Variants in HYAL4 observed in about 807,000 individuals in gnomAD.
HYAL4 encodes hyaluronidase 4.
A neutral mutation model predicts 35.2 loss-of-function variants in HYAL4; 37 were observed. That is an observed-to-expected ratio of 1.05 (90% CI 0.81 to 1.38). HYAL4 has a LOEUF of 1.38. Ranked by LOEUF, HYAL4 falls within the 40% of genes most tolerant of loss-of-function variation. HYAL4 has a pLI of 0.00. For synonymous variants in HYAL4, 198 were observed against 203.2 expected (o/e 0.97, Z 0.22); for missense variants, 572 against 572.4 (o/e 1.00, Z 0.01).
chr7:123,794,616 C>T, the HYAL4 span, among the ~76,000 whole-genome samples: 1 of 152,330 alleles, frequency 6.6e-6, no homozygotes, highest in Middle Eastern at 3.4e-3. Context: ...ACATAAGTCC[C>T]AAGCCTTGGC....
intron 3 of HYAL4, among the ~76,000 whole-genome samples, chr7:123,874,143 CG>C (rs1429377812): frequency 6.6e-6 from 1 of 152,106 alleles, no homozygotes; most frequent in Non-Finnish European, 1.5e-5. Context: ...TATGTGCCCC[CG>C]ATTTATTTCA....
chr7:123,809,384 TTTC>T, the HYAL4 span, among the ~76,000 whole-genome samples: 18 of 151,252 alleles, frequency 1.2e-4, no homozygotes, highest in Non-Finnish European at 2.7e-4. Flanking sequence ...CTTTCTTTTT[TTTC>T]TTCTTCTTTT....
At chr7:123,801,938 T>TC in the HYAL4 span, among the ~76,000 whole-genome samples, 2 of 152,194 alleles carry the variant, frequency 1.3e-5, no homozygotes, top group African/African-American at 4.8e-5. Context: ...TGCATTTTTT[T>TC]CCCCCATGGT....
Position 123,868,911 on chromosome 7 carries a change from G to A in HYAL4, c.638G>A (p.Gly213Asp). The change falls in exon 3 of 5, where the codon GGC becomes GAC. Residue 213 changes from glycine (G) to aspartate (D), a missense_variant. Transcript: ENST00000223026. Reference protein sequence around the residue: ...IKLGIKSRPKGLWGYYLYPDC... With the variant: ...IKLGIKSRPKDLWGYYLYPDC... ...TTGGGAATTAAGAGCCGACCCAAAG[G>A]CCTTTGGGGTTATTATTTATATCCT... 6.2e-7 allele frequency: 1 copy of A among 1,614,140 alleles called. No homozygotes were observed. The highest frequency in any genetic ancestry group is 1.3e-5 in the African/African-American group (1 of 75,042).
chr7:123,867,085 CT>C lies in HYAL4; in HGVS notation c.-51-1137del, dbSNP rs1389611538. 2.0e-5 allele frequency among the ~76,000 whole-genome samples: 3 copies of C among 152,138 alleles called. No homozygotes were observed. The South Asian group carries it at 6.2e-4, about 31-fold the overall frequency. ...TAGGCGTGAGCCACCCTGCCTGGCTCTATCTTCTCTTTTAACTCCAGTGTCT... is the reference window on the plus strand; with the variant it reads ...TAGGCGTGAGCCACCCTGCCTGGCTCATCTTCTCTTTTAACTCCAGTGTCT... On this transcript the variant is annotated intron_variant, in intron 2 of 4. Transcript: ENST00000223026.
intron 4 of HYAL4, among the ~76,000 whole-genome samples, chr7:123,875,656 CAAAAAAAA>C: frequency 1.6e-5 from 1 of 62,772 alleles, no homozygotes; most frequent in South Asian, 5.1e-4. Context: ...GACTCCATCT[CAAAAAAAA>C]AAAAAAAAGA....
the HYAL4 span, among the ~76,000 whole-genome samples, chr7:123,806,485 C>T: frequency 6.6e-6 from 1 of 151,952 alleles, no homozygotes; most frequent in African/African-American, 2.4e-5. Context: ...CTCTTGTTGT[C>T]CAGCCTGGAG....
Position 123,868,280 on chromosome 7 carries a change from G to A in HYAL4, c.7G>A (p.Val3Ile), listed in dbSNP as rs765479379. The A allele has an allele frequency of 7.0e-5, 107 of 1,532,226 alleles. No individual in the cohort carries two copies. Among genetic ancestry groups the A allele is most frequent in the Admixed American group, 6.5e-4 (29 of 44,622 alleles). 94.9% of individuals were successfully genotyped at this position (1,532,226 alleles called of 1,614,324 possible). A position where few individuals can be genotyped will look rare whatever the true frequency, so the allele number is the denominator to read the frequency against. The part of the protein sequence containing the change: MK[V>I]LSEGQLKLCV... ...GTAACATTTTTATCTTACCATGAAA[G>A]TATTATCTGAAGGACAGTTAAAGCT... The change falls in exon 3 of 5, where the codon GTA becomes ATA. Residue 3 changes from valine (V) to isoleucine (I), a missense_variant. Transcript: ENST00000223026.
the HYAL4 span, among the ~76,000 whole-genome samples, chr7:123,769,665 C>A: frequency 6.6e-6 from 1 of 152,110 alleles, no homozygotes; most frequent in African/African-American, 2.4e-5. Flanking sequence ...GAAGGAGGAT[C>A]TTGGTGATGC....
chr7:123,779,177 T>A, the HYAL4 span, among the ~76,000 whole-genome samples: 1 of 152,192 alleles, frequency 6.6e-6, no homozygotes, highest in Admixed American at 6.5e-5. Context: ...TTTCTCAGTA[T>A]TAATTTCTAA....
chr7:123,769,833 A>G, the HYAL4 span, among the ~76,000 whole-genome samples: 1 of 151,978 alleles, frequency 6.6e-6, no homozygotes, highest in Admixed American at 6.6e-5. Context: ...AAAAAAAAAA[A>G]AAACACCGTT....
the HYAL4 span, among the ~76,000 whole-genome samples, chr7:123,802,214 C>G: frequency 6.6e-6 from 1 of 152,074 alleles, no homozygotes; most frequent in Non-Finnish European, 1.5e-5. Flanking sequence ...TTTTTTGCTT[C>G]ATATTCTAAC....
At position 123,876,964 on chromosome 7, in the gene HYAL4, G is replaced by C. The variant is rs754050012; in HGVS notation, c.1255G>C (p.Gly419Arg). Residue 419 changes from glycine to arginine, a missense_variant, in exon 5 of 5, where the codon GGA becomes CGA. Gly to Arg is a moderately radical substitution (Grantham distance 125, BLOSUM62 -2). Transcript: ENST00000223026. ...TGAGGACGGGGAGTTTACTGTGAAA[G>C]GAAAAGCATCTGATACAGACCTGGC... ...ASEDGEFTVKGKASDTDLAVM... is the reference protein window; with the variant it reads ...ASEDGEFTVKRKASDTDLAVM... 6.8e-6 allele frequency: 11 copies of C among 1,614,178 alleles called. No homozygotes were observed. Among genetic ancestry groups the C allele is most frequent in the Non-Finnish European group, 8.5e-6 (10 of 1,180,024 alleles).
chr7:123,810,155 G>C, the HYAL4 span, among the ~76,000 whole-genome samples: 1 of 152,226 alleles, frequency 6.6e-6, no homozygotes, highest in Non-Finnish European at 1.5e-5. Flanking sequence ...CCAAATACTA[G>C]GTTGCTTCTG....
Position 123,864,845 on chromosome 7 carries a change from C to T in HYAL4, c.-51-3378C>T, listed in dbSNP as rs375405408. Among the ~76,000 whole-genome samples the T allele has an allele frequency of 4.4e-4, 67 of 151,536 alleles. No individual in the cohort carries two copies. In the South Asian group the frequency reaches 0.012, roughly 28 times the overall value. On this transcript the variant is annotated intron_variant, in intron 2 of 4. Transcript: ENST00000223026. ...TTTAACTAGGAGGGCACACCAGTGC[C>T]CTGACCTGGCTGTATAGGAAGCAGA... is the stretch of plus-strand genomic sequence containing the variant.
At chr7:123,800,822 A>AT in the HYAL4 span, among the ~76,000 whole-genome samples, 19,983 of 148,740 alleles carry the variant, frequency 0.13, 1,528 homozygotes, top group Admixed American at 0.19. Context: ...ACGCTGGCTA[A>AT]TTTTTTTTTT....
At chr7:123,805,811 T>C in the HYAL4 span, among the ~76,000 whole-genome samples, 2 of 151,998 alleles carry the variant, frequency 1.3e-5, no homozygotes, top group Non-Finnish European at 1.5e-5. Flanking sequence ...ATCAGCAGGC[T>C]TTTTTGGTAG....
chr7:123,870,652 C>T (rs537263575), intron 3 of HYAL4, among the ~76,000 whole-genome samples: 1 of 151,662 alleles, frequency 6.6e-6, no homozygotes, highest in Non-Finnish European at 1.5e-5. Flanking sequence ...ATCCCAGCTA[C>T]TCAGGAGTCT....
At chr7:123,863,379 A>C (rs1806619405) in intron 2 of HYAL4, among the ~76,000 whole-genome samples, 1 of 152,180 alleles carries the variant, frequency 6.6e-6, no homozygotes, top group African/African-American at 2.4e-5. Flanking sequence ...CCAGGAGCAC[A>C]CCTGCAGTTA....
Sources: allele counts gnomAD v4.1 joint callset (sites outside exome capture counted in the v4.1 genomes callset), GRCh38; gene constraint gnomAD v4.1.1; transcripts MANE v1.5; gene names NCBI Gene and HGNC (gene_info 2026-07-23, HGNC 2026-07-21).